The following ANXA6 variants were observed in gnomAD, a reference collection of about 807,000 sequenced individuals.
ANXA6 encodes annexin A6.
Under a neutral mutation model 95.4 loss-of-function variants are expected in ANXA6, and 71 were observed. The ratio of observed to expected loss-of-function variants is 0.74; its 90% confidence interval spans 0.61 to 0.91. The LOEUF is 0.91. ANXA6 is among the 40% of genes least tolerant of loss of function. ANXA6 has a pLI of 0.00. For synonymous variants in ANXA6, 289 were observed against 315.9 expected, an observed-to-expected ratio of 0.91 and a Z score of 0.90; for missense variants, 830 against 876.4, an observed-to-expected ratio of 0.95 and a Z score of 0.67.
At chr5:151,120,213 T>C (rs545789345) in intron 17 of ANXA6, among the ~76,000 whole-genome samples, 2 of 152,204 alleles carry the variant, frequency 1.3e-5, no homozygotes, top group East Asian at 1.9e-4. Flanking sequence ...AGGCGTTACA[T>C]GCCCTGGACT....
rs777296760 is a variant in ANXA6 at position 151,126,459 on chromosome 5, C to T, written c.999G>A (p.Pro333=). 2.5e-5 allele frequency: 40 copies of T among 1,610,092 alleles called. 1 individual carries two copies. Among genetic ancestry groups the T allele is most frequent in the Admixed American group, 2.0e-4 (12 of 59,464 alleles). ...GDDDAAGQFF[P]EAAQVAYQMW... is the part of the protein sequence containing the mutation. ...TCTGATAGGCCACCTGCGCTGCCTC[C>T]GGGAAGAACTGGCCAGCAGCACTGG... The change falls in exon 14 of 26, where the codon CCG becomes CCA. Residue 333 remains proline, a synonymous_variant. Transcript: ENST00000354546.
chr5:151,120,718 CA>C (rs1162147920), intron 17 of ANXA6, among the ~76,000 whole-genome samples: 28 of 143,682 alleles, frequency 1.9e-4, no homozygotes, highest in South Asian at 2.2e-4. Flanking sequence ...GACTCCGTCT[CA>C]AAAAAAAAAA....
rs182520865 is a variant in ANXA6 at position 151,126,966 on chromosome 5, C to T, written c.978-486G>A. ...TCCTGACCTCAGGTGATCCGCCCGCCTCAGCCTCCCAAAGTGCTGGGATTA... is the reference window on the plus strand; with the variant it reads ...TCCTGACCTCAGGTGATCCGCCCGCTTCAGCCTCCCAAAGTGCTGGGATTA... On this transcript the variant is annotated intron_variant, in intron 13 of 25. Coordinates refer to ENST00000354546, the MANE Select transcript of ANXA6 (RefSeq NM_001155.5). 3.1e-3 allele frequency among the ~76,000 whole-genome samples: 474 copies of T among 152,364 alleles called. 3 individuals carry two copies. Among genetic ancestry groups the T allele is most frequent in the African/African-American group, 0.011 (450 of 41,586 alleles).
chr5:151,111,794 G>C (rs1378598503), intron 20 of ANXA6, among the ~76,000 whole-genome samples: 1 of 151,454 alleles, frequency 6.6e-6, no homozygotes, highest in African/African-American at 2.4e-5. Flanking sequence ...TCACTTTGTT[G>C]TCCAGTCTAG....
intron 14 of ANXA6, among the ~76,000 whole-genome samples, chr5:151,124,880 C>T (rs79580135): frequency 6.9e-4 from 105 of 152,334 alleles, no homozygotes; most frequent in African/African-American, 2.4e-3. Flanking sequence ...ACACACTATG[C>T]CATCTCTTAA....
At chr5:151,126,655 G>A (rs929424468) in intron 13 of ANXA6, among the ~76,000 whole-genome samples, 175 bp from the exon 14 acceptor site, 2 of 152,018 alleles carry the variant, frequency 1.3e-5, no homozygotes, top group African/African-American at 4.8e-5. Context: ...ATTCGCCAGA[G>A]TCCTCCCTCC....
intron 13 of ANXA6, among the ~76,000 whole-genome samples, chr5:151,127,883 G>C (rs950321477): frequency 2.0e-5 from 3 of 152,266 alleles, no homozygotes; most frequent in Middle Eastern, 6.8e-3. Flanking sequence ...AAATAGCAGG[G>C]ATTGGATGCT....
In ANXA6 at chr5:151,122,314, C is replaced by G. The variant is rs1765190437; in HGVS notation, c.1234-54G>C. The G allele has an allele frequency of 3.8e-6, 4 of 1,047,866 alleles. No homozygotes were observed. In the South Asian group the frequency reaches 5.8e-5, roughly 15 times the overall value. 64.9% of individuals were successfully genotyped at this position (1,047,866 alleles called of 1,614,324 possible). Reference sequence around the variant, plus strand: ...AACATCAGCACTTGCCCACACATGACTCAGGATGGGAGAGATGGAAAGAGA... The same window carrying G: ...AACATCAGCACTTGCCCACACATGAGTCAGGATGGGAGAGATGGAAAGAGA... On this transcript the variant is annotated intron_variant, in intron 16 of 25. Coordinates refer to ENST00000354546, the MANE Select transcript of ANXA6 (RefSeq NM_001155.5).
intron 10 of ANXA6, among the ~76,000 whole-genome samples, 159 bp from the exon 11 acceptor site, chr5:151,131,448 C>T (rs1409365845): frequency 6.6e-6 from 1 of 152,158 alleles, no homozygotes; most frequent in Non-Finnish European, 1.5e-5. Flanking sequence ...CACCCCAGAC[C>T]AACCCACTTT....
chr5:151,151,888 G>GT (rs1484538710), intron 1 of ANXA6, among the ~76,000 whole-genome samples: 2 of 152,224 alleles, frequency 1.3e-5, no homozygotes, highest in Non-Finnish European at 2.9e-5. Context: ...GAGATATACT[G>GT]TGACGACTTA....
intron 13 of ANXA6, among the ~76,000 whole-genome samples, chr5:151,127,014 G>A (rs1377850553): frequency 1.3e-5 from 2 of 152,226 alleles, no homozygotes; most frequent in South Asian, 2.1e-4. Flanking sequence ...CACTGTGTCC[G>A]GCCAATGCTG....
At chr5:151,140,382 C>A in intron 2 of ANXA6, 139 bp from the exon 3 acceptor site, 1 of 718,116 alleles carries the variant, frequency 1.4e-6, no homozygotes, top group Non-Finnish European at 2.4e-6. Context: ...CACATACACC[C>A]TGGGGAGCGG....
At chr5:151,130,501 C>G (rs985452312) in intron 11 of ANXA6, among the ~76,000 whole-genome samples, 2 of 152,198 alleles carry the variant, frequency 1.3e-5, no homozygotes, top group Non-Finnish European at 2.9e-5. Context: ...GTGATCCTCC[C>G]ACTTTGGCCT....
At chr5:151,115,505 T>C (rs537355626) in intron 20 of ANXA6, among the ~76,000 whole-genome samples, 1 of 135,224 alleles carries the variant, frequency 7.4e-6, no homozygotes, top group South Asian at 2.4e-4. Flanking sequence ...CTAGCGGCAA[T>C]TGGAAGCACA....
chr5:151,101,438 A>C lies in ANXA6; in HGVS notation c.*10T>G. The stretch of plus-strand genomic sequence containing the variant: ...ATTTCTTGGCAGAAGTGCCCGCCAA[A>C]GCTGTGGCCCTAGTCCTCACCACCA... On this transcript the variant is annotated 3_prime_UTR_variant, in exon 26 of 26. Coordinates refer to ENST00000354546, the MANE Select transcript of ANXA6 (RefSeq NM_001155.5). 6.4e-7 allele frequency: 1 copy of C among 1,555,058 alleles called. No homozygotes were observed. Among genetic ancestry groups the C allele is most frequent in the Middle Eastern group, 1.7e-4 (1 of 5,990 alleles).
At chr5:151,138,282 T>C (rs1765724326) in intron 5 of ANXA6, among the ~76,000 whole-genome samples, 1 of 152,194 alleles carries the variant, frequency 6.6e-6, no homozygotes, top group Admixed American at 6.5e-5. Flanking sequence ...ACCTTGACAC[T>C]GCTATCCACC....
intron 20 of ANXA6, among the ~76,000 whole-genome samples, chr5:151,114,212 G>A (rs2113904114): frequency 6.6e-6 from 1 of 152,242 alleles, no homozygotes; most frequent in African/African-American, 2.4e-5. Context: ...TGATTGTGGT[G>A]ATGGTTGCAT....
chr5:151,146,656 C>T (rs554657957), intron 2 of ANXA6, among the ~76,000 whole-genome samples: 13 of 152,276 alleles, frequency 8.5e-5, no homozygotes, highest in South Asian at 8.3e-4. Flanking sequence ...TAAGGGACAA[C>T]GGGGCCCAGT....
chr5:151,144,820 C>T (rs1294591844), intron 2 of ANXA6, among the ~76,000 whole-genome samples: 1 of 152,104 alleles, frequency 6.6e-6, no homozygotes, highest in Non-Finnish European at 1.5e-5. Context: ...TGATGACCTA[C>T]TAGATTAGTT....
Sources: gnomAD v4.1 joint callset for allele counts (sites outside exome capture counted in the v4.1 genomes callset) on GRCh38, gnomAD v4.1.1 for gene constraint, MANE v1.5 for transcripts, NCBI Gene and HGNC (gene_info 2026-07-23, HGNC 2026-07-21) for gene names.